ZFAT: variants seen among roughly 807,000 people sequenced by gnomAD.
The protein encoded by ZFAT is zinc finger protein ZFAT.
Under a neutral mutation model 117.7 loss-of-function variants are expected in ZFAT, and 64 were observed. That is an observed-to-expected ratio of 0.54 (90% CI 0.44 to 0.67). The LOEUF is 0.67. Among genes scored for constraint, ZFAT ranks in the 30% least tolerant of loss-of-function variants. The pLI is 0.00. For synonymous variants in ZFAT, 679 were observed against 615.0 expected (o/e 1.10, Z -1.54); for missense variants, 1,433 against 1,584.5 (o/e 0.90, Z 1.62).
At chr8:134,824,951 G>A in the ZFAT span, among the ~76,000 whole-genome samples, 3 of 152,308 alleles carry the variant, frequency 2.0e-5, no homozygotes, top group Non-Finnish European at 4.4e-5. Flanking sequence ...TGGCATAAGT[G>A]TAATTTTTTT....
intron 11 of ZFAT, among the ~76,000 whole-genome samples, chr8:134,534,522 T>C (rs914416578): frequency 4.6e-5 from 7 of 151,084 alleles, no homozygotes; most frequent in Non-Finnish European, 8.8e-5. Flanking sequence ...AAAACTGTGA[T>C]GAAGTAGCCC....
chr8:134,615,766 G>A (rs1454071805), intron 3 of ZFAT, among the ~76,000 whole-genome samples: 4 of 152,244 alleles, frequency 2.6e-5, no homozygotes, highest in East Asian at 1.9e-4. Flanking sequence ...CACAGTCCAC[G>A]GACATTACAT....
In ZFAT at chr8:134,512,416, A is replaced by G. The variant is rs1002601417; in HGVS notation, c.3361+59T>C. ...ACATCATTCATCTGCAAACGCATTC[A>G]TTCAGCATGTCTAGGAAAGACAGTT... On this transcript the variant is annotated intron_variant, in intron 14 of 15. Coordinates refer to ENST00000377838, the MANE Select transcript of ZFAT (RefSeq NM_020863.4). The G allele has an allele frequency of 8.8e-6, 14 of 1,590,730 alleles. No individual in the cohort carries two copies. In the African/African-American group the frequency reaches 1.8e-4, roughly 20 times the overall value.
the ZFAT span, chr8:134,766,216 G>A: frequency 6.6e-6 from 1 of 152,192 alleles, no homozygotes; most frequent in Non-Finnish European, 1.5e-5. Context: ...TAACATGACT[G>A]AATGAAAATA....
chr8:134,492,649 G>C (rs1170819413), intron 15 of ZFAT, among the ~76,000 whole-genome samples: 1 of 152,146 alleles, frequency 6.6e-6, no homozygotes, highest in African/African-American at 2.4e-5. Flanking sequence ...CATTTTACAA[G>C]GTTAACAAGT....
chr8:134,664,746 A>G (rs889435419), intron 1 of ZFAT, among the ~76,000 whole-genome samples: 1 of 152,266 alleles, frequency 6.6e-6, no homozygotes, highest in Non-Finnish European at 1.5e-5. Flanking sequence ...CTAATATGAA[A>G]AAAATATATC....
chr8:134,770,560 G>A, the ZFAT span, among the ~76,000 whole-genome samples: 58,213 of 151,968 alleles, frequency 0.38, 11,319 homozygotes, highest in Admixed American at 0.45. Flanking sequence ...TGTATTAACT[G>A]CCCAAATTGT....
At chr8:134,686,867 TG>T (rs1168811016) in intron 1 of ZFAT, among the ~76,000 whole-genome samples, 1 of 152,232 alleles carries the variant, frequency 6.6e-6, no homozygotes, top group Non-Finnish European at 1.5e-5. Context: ...CATACGTCTC[TG>T]AATTTCTTTA....
intron 15 of ZFAT, among the ~76,000 whole-genome samples, chr8:134,496,274 C>T (rs59857495): frequency 0.2 from 30,717 of 152,200 alleles, 3,391 homozygotes; most frequent in Non-Finnish European, 0.25. Context: ...GTGTTTTGTC[C>T]AAGGTCACAC....
At chr8:134,779,502 T>A in the ZFAT span, among the ~76,000 whole-genome samples, 1 of 152,144 alleles carries the variant, frequency 6.6e-6, no homozygotes, top group Non-Finnish European at 1.5e-5. Context: ...CTATACTTTT[T>A]AAATGTGTTA....
chr8:134,771,706 A>C, the ZFAT span, among the ~76,000 whole-genome samples: 1 of 152,080 alleles, frequency 6.6e-6, no homozygotes. Context: ...TTGCTTCCAC[A>C]TTTTCAGGTA....
chr8:134,581,612 G>A (rs1397355773), intron 10 of ZFAT, among the ~76,000 whole-genome samples: 1 of 152,102 alleles, frequency 6.6e-6, no homozygotes, highest in Non-Finnish European at 1.5e-5. Flanking sequence ...TAGGGAATGG[G>A]TCTCACTCTG....
At chr8:134,599,619 A>C in intron 7 of ZFAT, 1 of 379,778 alleles carries the variant, frequency 2.6e-6, no homozygotes. Flanking sequence ...CCTTAGTGAC[A>C]AACTGTTATG....
chr8:134,582,378 C>G (rs147764719), intron 10 of ZFAT, among the ~76,000 whole-genome samples: 1 of 152,346 alleles, frequency 6.6e-6, no homozygotes, highest in Admixed American at 6.5e-5. Context: ...GCTTCCCTGC[C>G]TCTGGGGACA....
intron 11 of ZFAT, among the ~76,000 whole-genome samples, chr8:134,557,498 A>C (rs191541521): frequency 6.6e-6 from 1 of 152,356 alleles, no homozygotes; most frequent in East Asian, 1.9e-4. Flanking sequence ...TAGTTGTAAC[A>C]AATGTTCCGT....
the ZFAT span, among the ~76,000 whole-genome samples, chr8:134,730,394 C>T: frequency 6.6e-6 from 1 of 152,190 alleles, no homozygotes; most frequent in East Asian, 1.9e-4. Flanking sequence ...ACAGAGTTGC[C>T]CAGGCACACA....
chr8:134,802,437 T>C, the ZFAT span, among the ~76,000 whole-genome samples: 1 of 152,206 alleles, frequency 6.6e-6, no homozygotes, highest in African/African-American at 2.4e-5. Context: ...AGTCCATTTC[T>C]GGGTAACCTC....
the ZFAT span, chr8:134,796,204 G>A: frequency 6.6e-6 from 1 of 152,196 alleles, no homozygotes; most frequent in East Asian, 1.9e-4. Context: ...AATTCTGTGA[G>A]CTGCTCTAGC....
chr8:134,556,161 C>T (rs1823609218), intron 11 of ZFAT, among the ~76,000 whole-genome samples: 1 of 152,002 alleles, frequency 6.6e-6, no homozygotes, highest in African/African-American at 2.4e-5. Context: ...ATTAAAACAT[C>T]ACATTTGGTG....
Sources: gnomAD v4.1 joint callset for allele counts (sites outside exome capture counted in the v4.1 genomes callset) on GRCh38, gnomAD v4.1.1 for gene constraint, MANE v1.5 for transcripts, NCBI Gene and HGNC (gene_info 2026-07-23, HGNC 2026-07-21) for gene names.